KLHL14: variants seen among roughly 807,000 people sequenced by gnomAD.
KLHL14 encodes the protein kelch like family member 14.
Under a neutral mutation model 64.3 loss-of-function variants are expected in KLHL14, and 22 were observed. The observed-to-expected ratio is 0.34, with a 90% CI of 0.24 to 0.49. The LOEUF (loss-of-function observed/expected upper bound fraction) is 0.49, where lower values mean the gene tolerates loss of function less well. Among genes scored for constraint, KLHL14 ranks in the 20% least tolerant of loss-of-function variants. The pLI, the probability that KLHL14 is intolerant of heterozygous loss-of-function variation, is 0.99. For synonymous variants in KLHL14, 322 were observed against 333.4 expected (o/e 0.97, Z 0.37); for missense variants, 661 against 789.0 (o/e 0.84, Z 1.94).
chr18:32,697,045 G>A (rs1466781273), intron 3 of KLHL14, among the ~76,000 whole-genome samples: 1 of 152,162 alleles, frequency 6.6e-6, no homozygotes, highest in African/African-American at 2.4e-5. Context: ...GTAGAAATTG[G>A]GTGGGCAGTG....
intron 2 of KLHL14, among the ~76,000 whole-genome samples, chr18:32,749,236 AACG>A (rs1231338492): frequency 1.3e-5 from 2 of 152,224 alleles, no homozygotes; most frequent in Non-Finnish European, 2.9e-5. Context: ...GATTGAAAAC[AACG>A]ACAATAACAA....
At chr18:32,706,663 T>C (rs1219502319) in intron 3 of KLHL14, among the ~76,000 whole-genome samples, 3 of 152,212 alleles carry the variant, frequency 2.0e-5, no homozygotes, top group African/African-American at 7.2e-5. Context: ...TGTCTGTGTG[T>C]ACACACACAT....
At chr18:32,702,274 C>A (rs961130743) in intron 3 of KLHL14, among the ~76,000 whole-genome samples, 3 of 151,006 alleles carry the variant, frequency 2.0e-5, no homozygotes, top group African/African-American at 7.3e-5. Flanking sequence ...AACAAATAAC[C>A]TGAAAGAAAG....
intron 2 of KLHL14, 61 bp downstream of exon 2, chr18:32,769,584 T>TC: frequency 1.7e-5 from 2 of 118,564 alleles, no homozygotes; most frequent in South Asian, 1.0e-4. Context: ...CCCCCTCCCC[T>TC]CCCTCCGGCC....
At chr18:32,755,529 T>C (rs2050277315) in intron 2 of KLHL14, among the ~76,000 whole-genome samples, 1 of 152,214 alleles carries the variant, frequency 6.6e-6, no homozygotes, top group Admixed American at 6.5e-5. Flanking sequence ...TAATGAAATT[T>C]CTTTTAATTT....
At chr18:32,687,653 AAAC>A (rs373247522) in intron 4 of KLHL14, among the ~76,000 whole-genome samples, 18 of 152,290 alleles carry the variant, frequency 1.2e-4, no homozygotes, top group Admixed American at 8.5e-4. Context: ...GCCATTTAAA[AAAC>A]AACAACAACA....
rs140729678 is a variant in KLHL14, at chr18:32,680,160, A to C, written c.1588+9T>G. The stretch of plus-strand genomic sequence containing the variant: ...TTGTGACTAAAAAACAAAACAACAA[A>C]AAAAAGACCTTTCAAATGATTTCCT... On this transcript the variant is annotated intron_variant, in intron 7 of 8. Transcript: ENST00000359358. The surrounding 1 kb of genome is among the most constrained non-coding windows in gnomAD (Gnocchi z 4.8). 9 of 1,612,286 alleles carry C rather than the reference A, an allele frequency of 5.6e-6. No homozygotes were observed. The Admixed American group carries it at 6.7e-5, about 12-fold the overall frequency.
intron 3 of KLHL14, among the ~76,000 whole-genome samples, chr18:32,734,616 T>A (rs2050154318): frequency 6.6e-6 from 1 of 152,228 alleles, no homozygotes; most frequent in South Asian, 2.1e-4. Flanking sequence ...ATTTTGGTTT[T>A]CTTTATTTTG....
chr18:32,755,488 T>C (rs2050277090), intron 2 of KLHL14, among the ~76,000 whole-genome samples: 1 of 152,204 alleles, frequency 6.6e-6, no homozygotes, highest in Non-Finnish European at 1.5e-5. Flanking sequence ...CAACTTTCCC[T>C]ATGACTCATT....
intron 3 of KLHL14, among the ~76,000 whole-genome samples, chr18:32,713,822 T>G (rs976313642): frequency 6.6e-6 from 1 of 152,142 alleles, no homozygotes; most frequent in African/African-American, 2.4e-5. Context: ...GTAAAACACT[T>G]AATTTTGGTT....
intron 3 of KLHL14, 133 bp downstream of exon 3, chr18:32,741,795 A>G: frequency 9.2e-7 from 1 of 1,086,302 alleles, no homozygotes; most frequent in South Asian, 1.8e-5. Flanking sequence ...CCCCGGTGAT[A>G]CATAAACAAA....
At chr18:32,729,975 T>C (rs1028166353) in intron 3 of KLHL14, among the ~76,000 whole-genome samples, 1 of 152,228 alleles carries the variant, frequency 6.6e-6, no homozygotes, top group African/African-American at 2.4e-5. Context: ...TATGGTAGAA[T>C]TGATACTTCA....
At chr18:32,713,095 T>G (rs2050028249) in intron 3 of KLHL14, among the ~76,000 whole-genome samples, 1 of 152,184 alleles carries the variant, frequency 6.6e-6, no homozygotes, top group Non-Finnish European at 1.5e-5. Context: ...ACATGGCCAC[T>G]CCCAACAGTT....
At chr18:32,686,256 C>G (rs1372586615) in intron 5 of KLHL14, among the ~76,000 whole-genome samples, 2 of 146,278 alleles carry the variant, frequency 1.4e-5, no homozygotes, top group Non-Finnish European at 3.0e-5. Context: ...GTCATGAACT[C>G]CTGGCTTCGT....
chr18:32,680,514 C>T lies in KLHL14; in HGVS notation c.1324G>A (p.Glu442Lys), dbSNP rs768425304. The T allele has an allele frequency of 8.1e-6, 13 of 1,613,864 alleles. No individual in the cohort carries two copies. The highest frequency in any genetic ancestry group is 1.0e-5 in the Non-Finnish European group (12 of 1,179,890). The change falls in exon 6 of 9, where the codon GAG becomes AAG. Residue 442 changes from glutamate (E) to lysine (K), a missense_variant. Transcript: ENST00000359358. This position sits in a 1 kb window ranked among gnomAD's most constrained non-coding sequence, Gnocchi z 4.8. Reference sequence around the variant, plus strand: ...TCATTCGTTTCTAGGTTATAGCACTCCACGCTGGACAAGTAGCCAGTTTCA... The same window carrying T: ...TCATTCGTTTCTAGGTTATAGCACTTCACGCTGGACAAGTAGCCAGTTTCA... ...RNETGYLSSV[E>K]CYNLETNEWR...
chr18:32,753,959 G>T (rs1258160519), intron 2 of KLHL14, among the ~76,000 whole-genome samples: 1 of 152,238 alleles, frequency 6.6e-6, no homozygotes, highest in Admixed American at 6.5e-5. Context: ...TGAGGAAGTT[G>T]CGTGGCAAGC....
chr18:32,756,659 C>A (rs1225716546), intron 2 of KLHL14, among the ~76,000 whole-genome samples: 1 of 152,112 alleles, frequency 6.6e-6, no homozygotes, highest in Non-Finnish European at 1.5e-5. Context: ...GGAAAAATCC[C>A]AAATCTTGAA....
rs773122325 is a variant in KLHL14 at position 32,734,213 on chromosome 18, C to T, written c.1069+7715G>A. 21 of 702,878 alleles carry T rather than the reference C, an allele frequency of 3.0e-5. No homozygotes were observed. The South Asian group carries it at 3.1e-4, about 10-fold the overall frequency. 43.5% of individuals were successfully genotyped at this position (702,878 alleles called of 1,614,324 possible). ...CTGAACTCTGGTGAGCTTGCACTTT[C>T]CTGCTTCCCTGAAATGGGGTGTGGT... is the stretch of plus-strand genomic sequence containing the variant. On this transcript the variant is annotated intron_variant, in intron 3 of 8. Coordinates refer to ENST00000359358, the MANE Select transcript of KLHL14 (RefSeq NM_020805.3).
At chr18:32,682,552 A>G (rs1375714164) in intron 5 of KLHL14, among the ~76,000 whole-genome samples, 1 of 152,208 alleles carries the variant, frequency 6.6e-6, no homozygotes, top group Non-Finnish European at 1.5e-5. Context: ...TAATGTGATC[A>G]TCAAAGGGAT....
Sources: allele counts gnomAD v4.1 joint callset (sites outside exome capture counted in the v4.1 genomes callset), GRCh38; gene constraint gnomAD v4.1.1; non-coding constraint Gnocchi (gnomAD v3.1); transcripts MANE v1.5; gene names NCBI Gene and HGNC (gene_info 2026-07-23, HGNC 2026-07-21).